Variants in NEO1 observed in about 807,000 individuals in gnomAD.
NEO1 encodes the protein neogenin.
Under a neutral mutation model 159.7 loss-of-function variants are expected in NEO1, and 63 were observed. That is an observed-to-expected ratio of 0.39 (90% CI 0.32 to 0.49). The LOEUF (loss-of-function observed/expected upper bound fraction) is 0.49. Ranked by LOEUF, NEO1 falls within the 20% of genes least tolerant of loss-of-function variation. NEO1 has a pLI of 0.85. For missense variants in NEO1, 1,615 were observed against 1,831.0 expected (o/e 0.88, Z 2.15); for synonymous variants, 633 against 662.0 (o/e 0.96, Z 0.67).
intron 7 of NEO1, among the ~76,000 whole-genome samples, chr15:73,201,131 A>C (rs963738019): frequency 3.3e-5 from 5 of 151,184 alleles, no homozygotes; most frequent in Admixed American, 6.6e-5. Context: ...ACTAACTTTT[A>C]ATTTCATTTT....
chr15:73,116,450 A>G, intron 1 of NEO1, 90 bp from the exon 2 acceptor site: 1 of 1,058,660 alleles, frequency 9.4e-7, no homozygotes, highest in Admixed American at 2.8e-5. Context: ...AACAACAGTT[A>G]ATAATTTTTG....
intron 1 of NEO1, among the ~76,000 whole-genome samples, chr15:73,115,525 G>A (rs1319529315): frequency 2.0e-5 from 3 of 152,112 alleles, no homozygotes; most frequent in African/African-American, 7.2e-5. Flanking sequence ...TAGAATTTAT[G>A]TCATCCTTAA....
intron 2 of NEO1, among the ~76,000 whole-genome samples, chr15:73,121,179 G>A (rs1468806022): frequency 2.0e-5 from 3 of 152,116 alleles, no homozygotes; most frequent in Admixed American, 2.0e-4. Context: ...TCTCAATAAT[G>A]TTCTTTATAG....
chr15:73,287,709 T>C lies in NEO1; in HGVS notation c.3411-604T>C, dbSNP rs548247648. 3.7e-3 allele frequency among the ~76,000 whole-genome samples: 566 copies of C among 152,186 alleles called. 2 individuals carry two copies. The highest frequency in any genetic ancestry group is 0.013 in the African/African-American group (543 of 41,526). On this transcript the variant is annotated intron_variant, in intron 23 of 28. Transcript: ENST00000261908. ...CAGCCTGGCCAACATGGTGAAACCC[T>C]GTCTCTACTAAAAACACAAAAATTA...
intron 1 of NEO1, among the ~76,000 whole-genome samples, chr15:73,085,058 G>A (rs1013859044): frequency 6.6e-6 from 1 of 151,946 alleles, no homozygotes; most frequent in Admixed American, 6.6e-5. Context: ...AGAAGTGGGG[G>A]TTGGATAGAG....
chr15:73,106,569 A>T (rs1450715015), intron 1 of NEO1, among the ~76,000 whole-genome samples: 1 of 152,182 alleles, frequency 6.6e-6, no homozygotes, highest in Non-Finnish European at 1.5e-5. Flanking sequence ...TAAGTTACCA[A>T]TAACTACATG....
At chr15:73,222,765 G>A (rs933027821) in intron 7 of NEO1, among the ~76,000 whole-genome samples, 4 of 151,840 alleles carry the variant, frequency 2.6e-5, no homozygotes, top group Non-Finnish European at 5.9e-5. Context: ...TTTTTTGTTT[G>A]TTTCAGTTTC....
intron 1 of NEO1, among the ~76,000 whole-genome samples, chr15:73,077,572 A>G (rs1356127508): frequency 6.6e-6 from 1 of 152,212 alleles, no homozygotes; most frequent in Non-Finnish European, 1.5e-5. Context: ...GTGTTCTCTG[A>G]AGGAGAAGTC....
chr15:73,171,077 A>C (rs755269912), intron 5 of NEO1, among the ~76,000 whole-genome samples: 1 of 152,202 alleles, frequency 6.6e-6, no homozygotes, highest in African/African-American at 2.4e-5. Flanking sequence ...AACATGTTAA[A>C]TACCACTATG....
At chr15:73,292,696 C>T (rs909491842) in intron 25 of NEO1, among the ~76,000 whole-genome samples, 1 of 152,242 alleles carries the variant, frequency 6.6e-6, no homozygotes, top group African/African-American at 2.4e-5. Flanking sequence ...TATTCTCTTA[C>T]ATGCAGATGG....
chr15:73,113,116 AC>A (rs1366632108), intron 1 of NEO1, among the ~76,000 whole-genome samples: 1 of 150,744 alleles, frequency 6.6e-6, no homozygotes, highest in East Asian at 1.9e-4. Flanking sequence ...CTTTATACAT[AC>A]TTGTAACTAA....
intron 7 of NEO1, among the ~76,000 whole-genome samples, chr15:73,220,710 T>G (rs1240659118): frequency 6.6e-6 from 1 of 152,250 alleles, no homozygotes; most frequent in Non-Finnish European, 1.5e-5. Context: ...TTCTTCCAGT[T>G]GATTGCATCA....
At chr15:73,077,037 T>A (rs1595919559) in intron 1 of NEO1, among the ~76,000 whole-genome samples, 3 of 152,192 alleles carry the variant, frequency 2.0e-5, no homozygotes, top group East Asian at 1.9e-4. Context: ...AGCAATTTTT[T>A]TAAATTAATT....
At chr15:73,152,336 A>G (rs981269672) in intron 5 of NEO1, among the ~76,000 whole-genome samples, 1 of 152,110 alleles carries the variant, frequency 6.6e-6, no homozygotes, top group Non-Finnish European at 1.5e-5. Flanking sequence ...CCCACCTCAT[A>G]TGCTGGAGGA....
At chr15:73,077,236 G>A (rs1332656168) in intron 1 of NEO1, among the ~76,000 whole-genome samples, 1 of 152,050 alleles carries the variant, frequency 6.6e-6, no homozygotes, top group African/African-American at 2.4e-5. Flanking sequence ...TAGAGATGGG[G>A]TTTTGCCATG....
intron 7 of NEO1, among the ~76,000 whole-genome samples, chr15:73,208,576 G>T (rs1165154044): frequency 6.6e-6 from 1 of 152,032 alleles, no homozygotes; most frequent in Non-Finnish European, 1.5e-5. Context: ...AAAATCTTAA[G>T]ATTGGCTAGG....
intron 7 of NEO1, among the ~76,000 whole-genome samples, chr15:73,214,264 C>T (rs2037753506): frequency 6.6e-6 from 1 of 152,184 alleles, no homozygotes; most frequent in African/African-American, 2.4e-5. Context: ...TGTGTAAAAG[C>T]TCTTTAGTTT....
chr15:73,165,594 T>C lies in NEO1; in HGVS notation c.1016-10809T>C, dbSNP rs534421222. ...TTACAGTCCTGCCAATGCACCACAG[T>C]GTAGCAATCTCTTGTGAGATATCAC... On this transcript the variant is annotated intron_variant, in intron 5 of 28. Transcript: ENST00000261908. 3.9e-5 allele frequency among the ~76,000 whole-genome samples: 6 copies of C among 152,288 alleles called. No individual in the cohort carries two copies. In the South Asian group the frequency reaches 1.2e-3, roughly 32 times the overall value.
intron 5 of NEO1, among the ~76,000 whole-genome samples, chr15:73,149,420 C>T (rs1484156283): frequency 3.3e-5 from 5 of 152,068 alleles, no homozygotes; most frequent in Non-Finnish European, 7.4e-5. Context: ...AAGGCAGAAT[C>T]CAGTATCACT....
Sources: allele counts gnomAD v4.1 joint callset (sites outside exome capture counted in the v4.1 genomes callset), GRCh38; gene constraint gnomAD v4.1.1; transcripts MANE v1.5; gene names NCBI Gene and HGNC (gene_info 2026-07-23, HGNC 2026-07-21).